MICU1: variants seen among roughly 807,000 people sequenced by gnomAD.
MICU1 encodes the protein mitochondrial calcium uptake 1.
MICU1 carries 45 observed loss-of-function variants against 56.8 expected under a neutral mutation model. That is an observed-to-expected ratio of 0.79 (90% CI 0.62 to 1.02). The LOEUF (loss-of-function observed/expected upper bound fraction) is 1.02. MICU1 is among the 50% of genes least tolerant of loss of function. The pLI is 0.00. For missense variants in MICU1, 504 were observed against 587.1 expected (o/e 0.86, Z 1.46); for synonymous variants, 186 against 195.1 (o/e 0.95, Z 0.39).
intron 7 of MICU1, 140 bp downstream of exon 7, chr10:72,477,034 T>A (rs1005286682): frequency 1.8e-6 from 1 of 548,616 alleles, no homozygotes; most frequent in Non-Finnish European, 3.1e-6. Flanking sequence ...CAAAGAATAA[T>A]TTTGAGAAAT....
At chr10:72,466,426 G>A (rs1243767412) in intron 8 of MICU1, among the ~76,000 whole-genome samples, 3 of 152,170 alleles carry the variant, frequency 2.0e-5, no homozygotes, top group African/African-American at 7.2e-5. Context: ...GATAAGGGAG[G>A]ACTACTGTAC....
At chr10:72,585,935 G>A (rs964116030) in intron 1 of MICU1, among the ~76,000 whole-genome samples, 7 of 148,654 alleles carry the variant, frequency 4.7e-5, no homozygotes, top group African/African-American at 1.0e-4. Flanking sequence ...TAAATACTAC[G>A]TAAATAGTTA....
At chr10:72,584,558 C>CTT (rs61492943) in intron 1 of MICU1, among the ~76,000 whole-genome samples, 10,376 of 149,100 alleles carry the variant, frequency 0.07, 1,189 homozygotes, top group African/African-American at 0.24. Context: ...TTAATACATA[C>CTT]TTTTTTTTTT....
intron 8 of MICU1, among the ~76,000 whole-genome samples, chr10:72,439,489 A>C (rs919365141): frequency 2.0e-5 from 3 of 152,224 alleles, no homozygotes; most frequent in Non-Finnish European, 4.4e-5. Context: ...GAAAACTGGC[A>C]CAAGACAAGG....
At chr10:72,542,828 A>C (rs1485559791) in intron 4 of MICU1, among the ~76,000 whole-genome samples, 2 of 152,198 alleles carry the variant, frequency 1.3e-5, no homozygotes, top group Non-Finnish European at 2.9e-5. Flanking sequence ...CGCACGAACA[A>C]ATTGAAAGAT....
intron 10 of MICU1, among the ~76,000 whole-genome samples, chr10:72,396,168 C>T (rs1057055007): frequency 1.3e-5 from 2 of 152,208 alleles, no homozygotes; most frequent in African/African-American, 4.8e-5. Context: ...CTCCAGCCAA[C>T]TCCAACAGAC....
intron 1 of MICU1, among the ~76,000 whole-genome samples, chr10:72,594,050 T>G (rs1451402876): frequency 6.6e-6 from 1 of 152,192 alleles, no homozygotes; most frequent in South Asian, 2.1e-4. Context: ...AGAGACTGAA[T>G]AGCCAAAATA....
intron 10 of MICU1, among the ~76,000 whole-genome samples, chr10:72,383,245 CAAAA>C (rs56293812): frequency 4.2e-5 from 5 of 119,104 alleles, no homozygotes; most frequent in Admixed American, 2.6e-4. Flanking sequence ...GACCCTGTCT[CAAAA>C]AAAAAAAAAA....
At chr10:72,513,921 T>C (rs976874644) in intron 5 of MICU1, among the ~76,000 whole-genome samples, 2 of 152,288 alleles carry the variant, frequency 1.3e-5, no homozygotes, top group Non-Finnish European at 2.9e-5. Flanking sequence ...TACCACATCA[T>C]TTACATTTTT....
chr10:72,396,659 T>A (rs1863274045), intron 10 of MICU1, among the ~76,000 whole-genome samples: 1 of 152,230 alleles, frequency 6.6e-6, no homozygotes, highest in African/African-American at 2.4e-5. Flanking sequence ...AATAGCTGAT[T>A]CGATCAAGTG....
chr10:72,563,979 A>G (rs1407146022), intron 2 of MICU1, among the ~76,000 whole-genome samples: 1 of 151,660 alleles, frequency 6.6e-6, no homozygotes, highest in Non-Finnish European at 1.5e-5. Context: ...TAAAGAAGAA[A>G]TAGGGGACCA....
chr10:72,566,924 G>C, intron 1 of MICU1, 130 bp from the exon 2 acceptor site: 1 of 738,600 alleles, frequency 1.4e-6, no homozygotes, highest in South Asian at 2.1e-5. Flanking sequence ...TAAACAATTT[G>C]CTTATATTAT....
At chr10:72,567,907 G>C (rs1234786812) in intron 1 of MICU1, among the ~76,000 whole-genome samples, 1 of 152,140 alleles carries the variant, frequency 6.6e-6, no homozygotes, top group East Asian at 1.9e-4. Context: ...ACGGGACAAT[G>C]AAAGATGTGT....
At chr10:72,422,062 A>G (rs1466548586) in intron 9 of MICU1, among the ~76,000 whole-genome samples, 2 of 152,158 alleles carry the variant, frequency 1.3e-5, no homozygotes, top group African/African-American at 2.4e-5. Context: ...CATATGTTGA[A>G]GCCCTCCCTA....
intron 6 of MICU1, among the ~76,000 whole-genome samples, chr10:72,505,645 A>T (rs527264376): frequency 6.6e-6 from 1 of 152,320 alleles, no homozygotes; most frequent in Admixed American, 6.5e-5. Flanking sequence ...CAAGAATGAA[A>T]TAATGCCCTC....
intron 5 of MICU1, chr10:72,524,696 G>A (rs1419263749): frequency 2.4e-6 from 3 of 1,226,414 alleles, no homozygotes; most frequent in African/African-American, 1.6e-5. Context: ...GGATTTTGGA[G>A]CATTAAGTAA....
chr10:72,615,756 C>T (rs1354915219), intron 1 of MICU1, among the ~76,000 whole-genome samples: 1 of 151,872 alleles, frequency 6.6e-6, no homozygotes, highest in South Asian at 2.1e-4. Flanking sequence ...TTTGGGAGGC[C>T]GAGGAGGGTG....
intron 10 of MICU1, among the ~76,000 whole-genome samples, chr10:72,393,812 C>G (rs1391441407): frequency 6.6e-6 from 1 of 152,182 alleles, no homozygotes; most frequent in Non-Finnish European, 1.5e-5. Flanking sequence ...TGTCACCAGG[C>G]TGGAGTGCAG....
At chr10:72,554,586 C>G (rs1840113387) in intron 3 of MICU1, among the ~76,000 whole-genome samples, 6 of 152,030 alleles carry the variant, frequency 3.9e-5, no homozygotes, top group Admixed American at 3.9e-4. Flanking sequence ...ACAAAATAAG[C>G]AAAATTAAAC....
Sources: allele counts gnomAD v4.1 joint callset (sites outside exome capture counted in the v4.1 genomes callset), GRCh38; gene constraint gnomAD v4.1.1; transcripts MANE v1.5; gene names NCBI Gene and HGNC (gene_info 2026-07-23, HGNC 2026-07-21).